Variants in DSG4 observed in about 807,000 individuals in gnomAD.
The protein encoded by DSG4 is desmoglein 4, also known as desmoglein-4.
A neutral mutation model predicts 93.1 loss-of-function variants in DSG4; 87 were observed. The observed-to-expected ratio is 0.93, with a 90% CI of 0.79 to 1.12. DSG4 has a LOEUF of 1.12. Ranked by LOEUF, DSG4 falls within the 50% of genes most tolerant of loss-of-function variation. DSG4 has a pLI of 0.00. For missense variants in DSG4, 1,373 were observed against 1,285.7 expected (o/e 1.07, Z -1.04); for synonymous variants, 432 against 452.9 (o/e 0.95, Z 0.59).
chr18:31,413,908 G>T lies in DSG4; in HGVS notation c.*313G>T. 4.7e-6 allele frequency: 1 copy of T among 210,788 alleles called. No individual in the cohort carries two copies. Among genetic ancestry groups the T allele is most frequent in the Non-Finnish European group, 9.6e-6 (1 of 104,286 alleles). 13.1% of individuals were successfully genotyped at this position (210,788 alleles called of 1,614,324 possible). ...AATCCTATGGGTCTTGAGGCCTGTA[G>T]AACCAATCTTGTAAACCAAGATGCC... On this transcript the variant is annotated 3_prime_UTR_variant, in exon 16 of 16. Coordinates refer to ENST00000308128, the MANE Select transcript of DSG4 (RefSeq NM_177986.5).
Position 31,413,989 on chromosome 18 carries a change from G to A in DSG4, c.*394G>A, listed in dbSNP as rs572029000. 138 of 158,448 alleles carry A rather than the reference G, an allele frequency of 8.7e-4. No individual in the cohort carries two copies. The highest frequency in any genetic ancestry group is 1.9e-3 in the African/African-American group (81 of 41,602). 9.8% of individuals were successfully genotyped at this position (158,448 alleles called of 1,614,324 possible). On this transcript the variant is annotated 3_prime_UTR_variant, in exon 16 of 16. Transcript: ENST00000308128. ...TCTACATCCACCAGCCATATTTTTC[G>A]TTAGGGAAATATTTATATTAAAATT...
In DSG4 at chr18:31,399,545, T is replaced by A. The variant is rs765042895; in HGVS notation, c.1277+2T>A. The A allele has an allele frequency of 1.2e-6, 2 of 1,613,920 alleles. No individual in the cohort carries two copies. The highest frequency in any genetic ancestry group is 2.7e-5 in the African/African-American group (2 of 75,066). On this transcript the variant is annotated splice_donor_variant, in intron 9 of 15. Transcript: ENST00000308128. LOFTEE classifies it high-confidence loss of function. ...AGGAAACCCTGCAACAGATGTCAGG[T>A]ACTGCAACTATTTTCTTCATGTTCT... is the stretch of plus-strand genomic sequence containing the variant.
At chr18:31,402,887 CAGAA>C (rs1393958174) in intron 10 of DSG4, among the ~76,000 whole-genome samples, 7 of 152,078 alleles carry the variant, frequency 4.6e-5, no homozygotes, top group African/African-American at 1.7e-4. Flanking sequence ...AATGCCATTT[CAGAA>C]AGAAATAGCA....
rs1179385426 is a variant in DSG4 at position 31,413,106 on chromosome 18, T to A, written c.2634T>A (p.Asn878Lys). The part of the protein sequence containing the change: ...LPLLGPNYFV[N>K]ESSGLTPSEV... ...TGCTCGGACCTAATTACTTTGTTAATGAATCTTCAGGATTGACTCCCTCAG... is the reference window on the plus strand; with the variant it reads ...TGCTCGGACCTAATTACTTTGTTAAAGAATCTTCAGGATTGACTCCCTCAG... Residue 878 changes from asparagine (N) to lysine (K), a missense_variant, in exon 16 of 16, where the codon AAT (asparagine) becomes AAA (lysine). Asn to Lys is a moderately conservative substitution (Grantham distance 94). Coordinates refer to ENST00000308128, the MANE Select transcript of DSG4 (RefSeq NM_177986.5). 6.2e-7 allele frequency: 1 copy of A among 1,614,164 alleles called. No individual in the cohort carries two copies. The highest frequency in any genetic ancestry group is 8.5e-7 in the Non-Finnish European group (1 of 1,180,030).
rs1380969132 is a variant in DSG4 at position 31,388,991 on chromosome 18, G to A, written c.490G>A (p.Ala164Thr). The change falls in exon 5 of 16, where the codon GCC becomes ACC. Residue 164 changes from alanine (A) to threonine (T), a missense_variant. Transcript: ENST00000308128. ...AGTCTTTTCGCAAAGTGTATACACA[G>A]CCAGCATTGAAGAAAATAGTGATGC... ...APVFSQSVYT[A>T]SIEENSDANT... The A allele has an allele frequency of 4.3e-6, 7 of 1,613,260 alleles. No individual in the cohort carries two copies. Among genetic ancestry groups the A allele is most frequent in the Non-Finnish European group, 5.9e-6 (7 of 1,179,514 alleles).
chr18:31,398,669 G>GCA (rs1329598743), intron 8 of DSG4, among the ~76,000 whole-genome samples: 2 of 151,878 alleles, frequency 1.3e-5, no homozygotes, highest in African/African-American at 2.4e-5. Flanking sequence ...CATTTCAAAG[G>GCA]TGACTTTTCT....
chr18:31,407,554 A>G (rs1450367643), intron 12 of DSG4, among the ~76,000 whole-genome samples: 2 of 152,238 alleles, frequency 1.3e-5, no homozygotes, highest in African/African-American at 4.8e-5. Context: ...CATGGGGATC[A>G]AAAGCTGGGT....
At chr18:31,381,827 AT>A (rs35928619) in intron 1 of DSG4, among the ~76,000 whole-genome samples, 3,844 of 140,340 alleles carry the variant, frequency 0.027, 127 homozygotes, top group African/African-American at 0.085. Context: ...CGCCCAGCTA[AT>A]TTTTTTTTTT....
At chr18:31,410,393 A>G (rs540687968) in intron 14 of DSG4, among the ~76,000 whole-genome samples, 8 of 151,740 alleles carry the variant, frequency 5.3e-5, no homozygotes, top group South Asian at 4.2e-4. Context: ...TATATAACAT[A>G]CATGTGTATG....
In DSG4 at chr18:31,389,308, G is replaced by A. The variant is rs555849669; in HGVS notation, c.517+290G>A. ...CTCATGAAGAACTAAATCCAAGCGA[G>A]CAAACTGAGGAATAAACCAGGAATG... On this transcript the variant is annotated intron_variant, in intron 5 of 15. Transcript: ENST00000308128. Among the ~76,000 whole-genome samples, 8 of 152,250 alleles carry A rather than the reference G, an allele frequency of 5.3e-5. No homozygotes were observed. The East Asian group carries it at 1.2e-3, about 22-fold the overall frequency.
intron 10 of DSG4, among the ~76,000 whole-genome samples, chr18:31,401,921 C>A (rs1246467972): frequency 6.6e-6 from 1 of 152,180 alleles, no homozygotes; most frequent in African/African-American, 2.4e-5. Context: ...ATCTGTACAT[C>A]CTGGGCTTCA....
intron 10 of DSG4, among the ~76,000 whole-genome samples, chr18:31,403,030 C>T (rs1395551676): frequency 6.6e-6 from 1 of 152,010 alleles, no homozygotes; most frequent in Non-Finnish European, 1.5e-5. Flanking sequence ...CATAACTGAC[C>T]TGGGGGTCTA....
Position 31,385,130 on chromosome 18 carries a change from A to G in DSG4, c.49-6A>G. On this transcript the variant is annotated splice_polypyrimidine_tract_variant and splice_region_variant and intron_variant, in intron 1 of 15. Transcript: ENST00000308128. ...TATGCTAATGTGGTATCTTCTATCA[A>G]AACAGGTGGTGATGGAAGTAAACAG... The G allele has an allele frequency of 6.2e-7, 1 of 1,602,046 alleles. No homozygotes were observed. The highest frequency in any genetic ancestry group is 8.5e-7 in the Non-Finnish European group (1 of 1,171,654).
intron 1 of DSG4, among the ~76,000 whole-genome samples, chr18:31,381,590 C>T (rs889489419): frequency 1.3e-5 from 2 of 151,794 alleles, no homozygotes; most frequent in Non-Finnish European, 2.9e-5. Flanking sequence ...TTTAACATGT[C>T]ACTCTTTCTA....
chr18:31,387,652 A>T (rs1051736010), intron 3 of DSG4, among the ~76,000 whole-genome samples: 3 of 152,080 alleles, frequency 2.0e-5, no homozygotes, highest in African/African-American at 7.2e-5. Flanking sequence ...GGGCCTTTGG[A>T]TTAGAGTTAA....
At chr18:31,392,476 A>C (rs146950019) in intron 8 of DSG4, 136 bp downstream of exon 8, 8 of 937,210 alleles carry the variant, frequency 8.5e-6, no homozygotes, top group Non-Finnish European at 1.3e-5. Flanking sequence ...CAAGGGTCCT[A>C]AGTAACTGCT....
intron 11 of DSG4, among the ~76,000 whole-genome samples, 155 bp downstream of exon 11, chr18:31,403,789 A>G (rs946128372): frequency 2.6e-5 from 4 of 152,246 alleles, no homozygotes; most frequent in African/African-American, 9.6e-5. Flanking sequence ...ATGTACACAG[A>G]GGATATTTGA....
At chr18:31,394,661 G>T (rs1236246998) in intron 8 of DSG4, among the ~76,000 whole-genome samples, 1 of 133,056 alleles carries the variant, frequency 7.5e-6, no homozygotes, top group Non-Finnish European at 1.6e-5. Context: ...TCTGATCTAA[G>T]GCAATGGCAG....
At chr18:31,390,104 T>C (rs577624041) in intron 5 of DSG4, among the ~76,000 whole-genome samples, 101 of 152,308 alleles carry the variant, frequency 6.6e-4, no homozygotes, top group Non-Finnish European at 1.2e-3. Flanking sequence ...GAACTTCTTA[T>C]ATTGCTATGG....
Sources: allele counts gnomAD v4.1 joint callset (sites outside exome capture counted in the v4.1 genomes callset), GRCh38; gene constraint gnomAD v4.1.1; transcripts MANE v1.5; gene names NCBI Gene and HGNC (gene_info 2026-07-23, HGNC 2026-07-21).